Variants in CHRM3 observed in about 807,000 individuals in gnomAD.
The protein encoded by CHRM3 is cholinergic receptor muscarinic 3.
A neutral mutation model predicts 41.8 loss-of-function variants in CHRM3; 11 were observed. The observed-to-expected ratio is 0.26, with a 90% confidence interval of 0.17 to 0.44. The LOEUF (loss-of-function observed/expected upper bound fraction) is 0.44. CHRM3 is among the 20% of genes least tolerant of loss of function. CHRM3 has a pLI of 1.00. For synonymous variants in CHRM3, 297 were observed against 301.4 expected, an observed-to-expected ratio of 0.99 and a Z score of 0.15; for missense variants, 571 against 745.4, an observed-to-expected ratio of 0.77 and a Z score of 2.72.
chr1:239,598,030 C>A (rs2148670878), intron 3 of CHRM3, among the ~76,000 whole-genome samples: 1 of 152,084 alleles, frequency 6.6e-6, no homozygotes, highest in South Asian at 2.1e-4. Context: ...AAAATTAATT[C>A]CTGGGCCTTA....
intron 5 of CHRM3, among the ~76,000 whole-genome samples, chr1:239,734,354 C>T (rs1248751103): frequency 6.6e-6 from 1 of 151,964 alleles, no homozygotes; most frequent in African/African-American, 2.4e-5. Flanking sequence ...TCACTAGTGA[C>T]CAGTGGCACA....
Position 239,911,733 on chromosome 1 carries a change from G to A in CHRM3, c.*2509G>A, listed in dbSNP as rs1248199862. ...TAGGTCTCCCTTTTTTGTTTTACTGGTTTTATTATAGAATTGTTTTTAAGC... is the reference window on the plus strand; with the variant it reads ...TAGGTCTCCCTTTTTTGTTTTACTGATTTTATTATAGAATTGTTTTTAAGC... On this transcript the variant is annotated 3_prime_UTR_variant, in exon 7 of 7. Coordinates refer to ENST00000676153, the MANE Select transcript of CHRM3 (RefSeq NM_001375978.1). 6.0e-6 allele frequency: 1 copy of A among 166,790 alleles called. No homozygotes were observed. Among genetic ancestry groups the A allele is most frequent in the African/African-American group, 2.4e-5 (1 of 41,394 alleles). The allele number at this position is 166,790 out of a possible 1,614,324, so 10.3% of individuals were successfully genotyped here. A position where few individuals can be genotyped will look rare whatever the true frequency, so the allele number is the denominator to read the frequency against.
intron 6 of CHRM3, among the ~76,000 whole-genome samples, chr1:239,896,596 G>GT (rs1464539337): frequency 6.6e-6 from 1 of 152,078 alleles, no homozygotes; most frequent in Non-Finnish European, 1.5e-5. Flanking sequence ...CATTTTCCTG[G>GT]TTTTCCTGAG....
At chr1:239,577,973 G>A (rs1003955946) in intron 3 of CHRM3, among the ~76,000 whole-genome samples, 1 of 152,182 alleles carries the variant, frequency 6.6e-6, no homozygotes. Flanking sequence ...ATTAATATTT[G>A]AGAAGGCTTA....
rs202097685 is a variant in CHRM3, at chr1:239,908,356, G to A, written c.905G>A (p.Arg302His). ...GAACTTCAACAGCAAAGCATGAAAC[G>A]CTCCAACAGGAGGAAGTATGGCCGC... ...SYELQQQSMK[R>H]SNRRKYGRCH... The change falls in exon 7 of 7, where the codon CGC (arginine) becomes CAC (histidine). Residue 302 changes from arginine to histidine, a missense_variant. Around this residue, in one of 5 missense-constraint regions of CHRM3, gnomAD observed 239 missense variants for 239.6 expected, o/e 1.00. Transcript: ENST00000676153. The surrounding 1 kb of genome is among the most constrained non-coding windows in gnomAD (Gnocchi z 7.2). The A allele has an allele frequency of 7.4e-6, 12 of 1,613,934 alleles. No individual in the cohort carries two copies. The highest frequency in any genetic ancestry group is 6.7e-5 in the Admixed American group (4 of 60,004).
At chr1:239,865,532 A>C (rs1676018324) in intron 6 of CHRM3, among the ~76,000 whole-genome samples, 1 of 152,176 alleles carries the variant, frequency 6.6e-6, no homozygotes, top group Non-Finnish European at 1.5e-5. Context: ...CCAGTTAGCA[A>C]GAGGGGCCCT....
intron 5 of CHRM3, among the ~76,000 whole-genome samples, chr1:239,731,264 A>G (rs1409547052): frequency 1.3e-5 from 2 of 151,978 alleles, no homozygotes; most frequent in Non-Finnish European, 2.9e-5. Flanking sequence ...TCATCACTAT[A>G]TGGATGTCAG....
intron 3 of CHRM3, among the ~76,000 whole-genome samples, chr1:239,620,202 C>T (rs572076621): frequency 1.3e-5 from 2 of 152,188 alleles, no homozygotes; most frequent in South Asian, 4.1e-4. Flanking sequence ...AGTTTTTACT[C>T]AATATGACAG....
chr1:239,718,040 C>G (rs192374991), intron 5 of CHRM3, among the ~76,000 whole-genome samples: 4 of 152,028 alleles, frequency 2.6e-5, no homozygotes, highest in Admixed American at 2.6e-4. Flanking sequence ...ATTATTTTGC[C>G]AGAATCCTCA....
At chr1:239,809,701 G>A (rs1446369075) in intron 5 of CHRM3, among the ~76,000 whole-genome samples, 1 of 151,778 alleles carries the variant, frequency 6.6e-6, no homozygotes, top group Non-Finnish European at 1.5e-5. Flanking sequence ...GTCTCCCTAT[G>A]TTGCCCAGGC....
At chr1:239,453,273 A>G (rs1487144298) in intron 1 of CHRM3, among the ~76,000 whole-genome samples, 7 of 152,232 alleles carry the variant, frequency 4.6e-5, no homozygotes, top group Non-Finnish European at 7.3e-5. Context: ...TAAAACTTTA[A>G]AGTAGTCATC....
intron 3 of CHRM3, among the ~76,000 whole-genome samples, chr1:239,616,726 A>G (rs1374486451): frequency 6.6e-6 from 1 of 152,136 alleles, no homozygotes; most frequent in Non-Finnish European, 1.5e-5. Context: ...TTGAAATTTT[A>G]GCTACATACA....
At chr1:239,669,150 A>G (rs1247639760) in intron 4 of CHRM3, among the ~76,000 whole-genome samples, 4 of 152,166 alleles carry the variant, frequency 2.6e-5, no homozygotes, top group African/African-American at 7.2e-5. Context: ...CCCTACTCAC[A>G]TGACTCTTAG....
At chr1:239,619,597 T>G (rs548880020) in intron 3 of CHRM3, among the ~76,000 whole-genome samples, 1 of 152,190 alleles carries the variant, frequency 6.6e-6, no homozygotes, top group Non-Finnish European at 1.5e-5. Flanking sequence ...GTAAATTTCA[T>G]AGTGGTCCTT....
intron 1 of CHRM3, among the ~76,000 whole-genome samples, chr1:239,456,156 T>C (rs185420472): frequency 2.9e-3 from 438 of 152,254 alleles, no homozygotes; most frequent in Non-Finnish European, 4.8e-3. Context: ...GTCCTTTCCT[T>C]GATAAAACAA....
At chr1:239,651,777 C>T (rs1211488456) in intron 4 of CHRM3, among the ~76,000 whole-genome samples, 1 of 152,106 alleles carries the variant, frequency 6.6e-6, no homozygotes, top group African/African-American at 2.4e-5. Context: ...CTCTGCTTAG[C>T]AGCTCACTTC....
chr1:239,445,435 G>A (rs1664052968), intron 1 of CHRM3, among the ~76,000 whole-genome samples: 1 of 152,186 alleles, frequency 6.6e-6, no homozygotes, highest in Non-Finnish European at 1.5e-5. Context: ...TGGATTCACA[G>A]TAGGAGCTGG....
chr1:239,733,075 G>A (rs1664095750), intron 5 of CHRM3, among the ~76,000 whole-genome samples: 1 of 151,982 alleles, frequency 6.6e-6, no homozygotes, highest in African/African-American at 2.4e-5. Flanking sequence ...CGTCTCCATT[G>A]CCTAAATGCC....
chr1:239,562,824 G>C (rs150046125), intron 3 of CHRM3, among the ~76,000 whole-genome samples: 1 of 149,556 alleles, frequency 6.7e-6, no homozygotes, highest in South Asian at 2.1e-4. Context: ...GAAGGTGGAG[G>C]TTACAGTGAG....
Sources: allele counts gnomAD v4.1 joint callset (sites outside exome capture counted in the v4.1 genomes callset), GRCh38; gene constraint gnomAD v4.1.1; regional missense constraint gnomAD v4.1.1; non-coding constraint Gnocchi (gnomAD v3.1); transcripts MANE v1.5; gene names NCBI Gene and HGNC (gene_info 2026-07-23, HGNC 2026-07-21).